Variants in CELF2 observed in about 807,000 individuals in gnomAD.
CELF2 encodes the protein CUG triplet repeat RNA-binding protein 2.
CELF2 carries 8 observed loss-of-function variants against 62.6 expected under a neutral mutation model. The observed-to-expected ratio is 0.13, with a 90% confidence interval of 0.07 to 0.23. CELF2 has a LOEUF of 0.23. CELF2 is among the 10% of genes least tolerant of loss of function. The pLI is 1.00. For missense variants in CELF2, 333 were observed against 671.0 expected (o/e 0.50, Z 5.56); for synonymous variants, 258 against 250.0 (o/e 1.03, Z -0.30).
the CELF2 span, among the ~76,000 whole-genome samples, chr10:10,643,278 T>C: frequency 6.6e-6 from 1 of 152,094 alleles, no homozygotes; most frequent in Admixed American, 6.5e-5. Context: ...CCGTGTATCA[T>C]GGGAGGGACC....
chr10:10,834,238 G>C (rs959079907), intron 1 of CELF2, among the ~76,000 whole-genome samples: 1 of 152,288 alleles, frequency 6.6e-6, no homozygotes, highest in South Asian at 2.1e-4. Context: ...GTGTTCTCAC[G>C]TATAAGTGGG....
chr10:10,810,273 T>A (rs1292291319), intron 1 of CELF2, among the ~76,000 whole-genome samples: 1 of 152,236 alleles, frequency 6.6e-6, no homozygotes. Context: ...TCCATTTTTT[T>A]AATCCAATTT....
intron 2 of CELF2, among the ~76,000 whole-genome samples, chr10:10,979,230 C>T (rs568165029): frequency 1.3e-5 from 2 of 152,208 alleles, no homozygotes; most frequent in African/African-American, 2.4e-5. Context: ...ATTCTCTTGA[C>T]GCCAGGCCTG....
In CELF2 at chr10:11,140,002, C is replaced by G. The variant is rs191338828; in HGVS notation, c.75-25484C>G. 3.6e-3 allele frequency among the ~76,000 whole-genome samples: 555 copies of G among 152,182 alleles called. 8 individuals are homozygous for G. The highest frequency in any genetic ancestry group is 0.013 in the African/African-American group (528 of 41,516). ...GCGTTATTTTCCAGGAGGTTCAAAC[C>G]GGAAATGGTTTCGTGGGATTTCATT... On this transcript the variant is annotated intron_variant, in intron 1 of 12. Coordinates refer to ENST00000633077, the MANE Select transcript of CELF2 (RefSeq NM_001326342.2).
the CELF2 span, among the ~76,000 whole-genome samples, chr10:10,574,632 G>A: frequency 6.6e-6 from 1 of 152,128 alleles, no homozygotes; most frequent in Non-Finnish European, 1.5e-5. Context: ...AAGTATTCTC[G>A]TATTTGTGAA....
chr10:11,268,135 C>A lies in CELF2; in HGVS notation c.618+1458C>A, dbSNP rs2082670875. ...TGCTTCCCTCTTTCTCTTACTGAGG[C>A]CGCTCCATTCCTGTGGATTAGCCTG... On this transcript the variant is annotated intron_variant, in intron 6 of 12. Transcript: ENST00000633077. This position sits in a 1 kb window ranked among gnomAD's most constrained non-coding sequence, Gnocchi z 4.7. Among the ~76,000 whole-genome samples the A allele has an allele frequency of 6.6e-6, 1 of 152,120 alleles. No individual in the cohort carries two copies. Among genetic ancestry groups the A allele is most frequent in the Admixed American group, 6.5e-5 (1 of 15,274 alleles).
At chr10:11,086,158 A>G (rs564246473) in intron 1 of CELF2, among the ~76,000 whole-genome samples, 3 of 152,126 alleles carry the variant, frequency 2.0e-5, no homozygotes, top group Admixed American at 6.5e-5. Context: ...CTGTTTTTCA[A>G]TGAACAGGAT....
upstream of CELF2, chr10:11,005,289 A>AGG (rs2055027886): frequency 1.9e-6 from 3 of 1,556,690 alleles, no homozygotes; most frequent in Admixed American, 1.7e-5. The surrounding 1 kb of genome is among the most constrained non-coding windows in gnomAD (Gnocchi z 4.3). Context: ...AGAGAGAGAG[A>AGG]GAGAGGGAGG....
At chr10:10,674,781 C>T in the CELF2 span, among the ~76,000 whole-genome samples, 1 of 145,190 alleles carries the variant, frequency 6.9e-6, no homozygotes, top group Admixed American at 6.7e-5. Context: ...CACTGTGCCA[C>T]TTGTGTGAGT....
the CELF2 span, among the ~76,000 whole-genome samples, chr10:10,495,081 C>A: frequency 6.6e-6 from 1 of 151,874 alleles, no homozygotes; most frequent in East Asian, 1.9e-4. Context: ...TCGAGACCAT[C>A]CTGGCTAACA....
At chr10:10,686,258 A>T in the CELF2 span, among the ~76,000 whole-genome samples, 1 of 125,030 alleles carries the variant, frequency 8.0e-6, no homozygotes, top group African/African-American at 3.1e-5. Context: ...TTACCTGGAA[A>T]CTTAATTGCT....
intron 1 of CELF2, among the ~76,000 whole-genome samples, chr10:11,107,003 A>T (rs1470681641): frequency 6.6e-6 from 1 of 152,206 alleles, no homozygotes; most frequent in African/African-American, 2.4e-5. Context: ...CAGATTGCAG[A>T]GGGAGCCCAG....
In CELF2 at chr10:11,105,034, C is replaced by G. The variant is rs79503233; in HGVS notation, c.75-60452C>G. On this transcript the variant is annotated intron_variant, in intron 1 of 12. Transcript: ENST00000633077. ...TCAGCTGCGATGTAGTTTGGCCAAG[C>G]ATCTTTTTTTCCAACCCTGTGATTT... Among the ~76,000 whole-genome samples the G allele has an allele frequency of 1.6e-3, 246 of 152,334 alleles. 1 individual carries two copies. The highest frequency in any genetic ancestry group is 5.4e-3 in the African/African-American group (224 of 41,590).
chr10:11,288,130 G>A (rs1288886567), intron 8 of CELF2, among the ~76,000 whole-genome samples: 1 of 152,232 alleles, frequency 6.6e-6, no homozygotes, highest in Non-Finnish European at 1.5e-5. Context: ...GAGAATACTG[G>A]TTAGCGAGGG....
chr10:10,629,868 A>G, the CELF2 span, among the ~76,000 whole-genome samples: 1 of 142,556 alleles, frequency 7.0e-6, no homozygotes, highest in Non-Finnish European at 1.5e-5. Context: ...GACCAAAAAA[A>G]AAAAAAAAGA....
At chr10:11,123,626 T>C (rs1444428439) in intron 1 of CELF2, among the ~76,000 whole-genome samples, 1 of 152,190 alleles carries the variant, frequency 6.6e-6, no homozygotes, top group Non-Finnish European at 1.5e-5. Flanking sequence ...TCTCTGGGGC[T>C]GAACACCATG....
chr10:11,076,267 A>G (rs974578992), intron 1 of CELF2, among the ~76,000 whole-genome samples: 2 of 151,462 alleles, frequency 1.3e-5, no homozygotes, highest in Non-Finnish European at 2.9e-5. Flanking sequence ...GGAGGATACT[A>G]TACAGAACTT....
intron 1 of CELF2, among the ~76,000 whole-genome samples, chr10:11,100,774 C>T (rs558940634): frequency 6.6e-6 from 1 of 152,134 alleles, no homozygotes; most frequent in Non-Finnish European, 1.5e-5. Flanking sequence ...GCCCAATGAA[C>T]AGGTACCTTG....
chr10:11,055,870 A>G (rs77438430), intron 1 of CELF2, among the ~76,000 whole-genome samples: 1 of 152,306 alleles, frequency 6.6e-6, no homozygotes, highest in African/African-American at 2.4e-5. Flanking sequence ...CAACTGCTGT[A>G]TTATTTAAAT....
Sources: gnomAD v4.1 joint callset for allele counts (sites outside exome capture counted in the v4.1 genomes callset) on GRCh38, gnomAD v4.1.1 for gene constraint, Gnocchi (gnomAD v3.1) non-coding constraint, MANE v1.5 for transcripts, NCBI Gene and HGNC (gene_info 2026-07-23, HGNC 2026-07-21) for gene names.